Variants in GNB1L observed in about 807,000 individuals in gnomAD.
GNB1L encodes guanine nucleotide-binding protein subunit beta-like protein 1.
GNB1L carries 20 observed loss-of-function variants against 29.1 expected under a neutral mutation model. The observed-to-expected ratio is 0.69, with a 90% CI of 0.48 to 1.00. The LOEUF is 1.00. GNB1L is among the 50% of genes least tolerant of loss of function. GNB1L has a pLI of 0.00. For synonymous variants in GNB1L, 193 were observed against 206.5 expected (o/e 0.93, Z 0.56); for missense variants, 421 against 464.9 (o/e 0.91, Z 0.87).
At chr22:19,850,941 A>G in intron 2 of GNB1L, 2 of 1,373,880 alleles carry the variant, frequency 1.5e-6, no homozygotes, top group South Asian at 3.9e-5. Context: ...GGGATGCAGC[A>G]GAGAGCCAGC....
chr22:19,784,953 G>C lies in GNB1L; in HGVS notation c.*3756C>G, dbSNP rs1379466031. 1.3e-5 allele frequency: 2 copies of C among 152,294 alleles called. No individual in the cohort carries two copies. Among genetic ancestry groups the C allele is most frequent in the African/African-American group, 4.8e-5 (2 of 41,470 alleles). 9.4% of individuals were successfully genotyped at this position (152,294 alleles called of 1,614,324 possible). A position where few individuals can be genotyped will look rare whatever the true frequency, so the allele number is the denominator to read the frequency against. ...GACACCACCAGGCGGACAGTGCCCA[G>C]GGCTGGGGCTCACAGCCACGAGAAT... On this transcript the variant is annotated 3_prime_UTR_variant, in exon 8 of 8. Transcript: ENST00000329517.
intron 2 of GNB1L, among the ~76,000 whole-genome samples, chr22:19,831,415 A>C (rs964933368): frequency 6.6e-5 from 10 of 151,876 alleles, no homozygotes; most frequent in Middle Eastern, 6.8e-3. Flanking sequence ...CTATAGAAAA[A>C]TAAAAATTTT....
chr22:19,852,180 G>A, intron 2 of GNB1L: 2 of 1,613,990 alleles, frequency 1.2e-6, no homozygotes, highest in South Asian at 1.1e-5. Context: ...TCCATCTGCT[G>A]CCATGGATGT....
chr22:19,839,874 TCAATAATAATAATAATAA>T (rs1937827988), intron 2 of GNB1L, among the ~76,000 whole-genome samples: 1 of 150,708 alleles, frequency 6.6e-6, no homozygotes. Flanking sequence ...AGACTCCGTC[TCAATAATAATAATAATAA>T]CAATAATAAT....
chr22:19,803,225 G>A (rs928493857), intron 6 of GNB1L, among the ~76,000 whole-genome samples: 3 of 152,224 alleles, frequency 2.0e-5, no homozygotes, highest in African/African-American at 4.8e-5. Flanking sequence ...ATGTGAACCC[G>A]AGGCCAGAGC....
chr22:19,810,269 C>T (rs929977837), intron 5 of GNB1L, among the ~76,000 whole-genome samples: 1 of 152,146 alleles, frequency 6.6e-6, no homozygotes, highest in Non-Finnish European at 1.5e-5. Flanking sequence ...TACACAGTCC[C>T]CAACCAAGGA....
chr22:19,813,303 G>A lies in GNB1L; in HGVS notation c.255-856C>T, dbSNP rs572804646. Among the ~76,000 whole-genome samples, 13 of 152,276 alleles carry A rather than the reference G, an allele frequency of 8.5e-5. No homozygotes were observed. In the South Asian group the frequency reaches 2.7e-3, roughly 32 times the overall value. On this transcript the variant is annotated intron_variant, in intron 4 of 7. Transcript: ENST00000329517. The stretch of plus-strand genomic sequence containing the variant: ...CTCCAAAAACAGGAACCAGGGCTCT[G>A]GAGAAATGGCTGAGTCTAGGGTGGA...
At chr22:19,795,192 C>G (rs1937292776) in intron 7 of GNB1L, among the ~76,000 whole-genome samples, 1 of 152,126 alleles carries the variant, frequency 6.6e-6, no homozygotes, top group Admixed American at 6.5e-5. Context: ...GAAAAAGGCT[C>G]TGCACCAAGA....
At chr22:19,794,750 A>G (rs1023909387) in intron 7 of GNB1L, among the ~76,000 whole-genome samples, 1 of 152,212 alleles carries the variant, frequency 6.6e-6, no homozygotes, top group Non-Finnish European at 1.5e-5. Flanking sequence ...TGGGAGGCCG[A>G]GGCAGACGGA....
rs768481898 is a variant in GNB1L, at chr22:19,820,587, T to C, written c.254+11A>G. 4 of 1,609,802 alleles carry C rather than the reference T, an allele frequency of 2.5e-6. No homozygotes were observed. The South Asian group carries it at 4.4e-5, about 18-fold the overall frequency. On this transcript the variant is annotated intron_variant, in intron 4 of 7. Coordinates refer to ENST00000329517, the MANE Select transcript of GNB1L (RefSeq NM_053004.3). Reference sequence around the variant, plus strand: ...AAGGCCATACCTGGCTCCTGCACCTTGGAGACCCACCTGAGGAGCTGGCGC... The same window carrying C: ...AAGGCCATACCTGGCTCCTGCACCTCGGAGACCCACCTGAGGAGCTGGCGC...
At chr22:19,810,640 C>A (rs1023400000) in intron 5 of GNB1L, among the ~76,000 whole-genome samples, 1 of 152,178 alleles carries the variant, frequency 6.6e-6, no homozygotes, top group Admixed American at 6.5e-5. Flanking sequence ...CACCTGACTG[C>A]AACTTTTGTT....
chr22:19,847,396 T>C (rs961542088), intron 2 of GNB1L: 3 of 985,296 alleles, frequency 3.0e-6, no homozygotes, highest in Non-Finnish European at 3.6e-6. Context: ...AGTTCTGCTG[T>C]TCAAAAAACA....
chr22:19,853,398 A>C (rs1185437138), intron 2 of GNB1L, among the ~76,000 whole-genome samples: 1 of 152,094 alleles, frequency 6.6e-6, no homozygotes, highest in Non-Finnish European at 1.5e-5. Context: ...TTCCAGTGCA[A>C]GGAGCCCTCC....
At chr22:19,839,823 T>C (rs956883840) in intron 2 of GNB1L, among the ~76,000 whole-genome samples, 1 of 151,660 alleles carries the variant, frequency 6.6e-6, no homozygotes, top group Non-Finnish European at 1.5e-5. Flanking sequence ...GAGGTTGCAG[T>C]GAGCCAAGAT....
At chr22:19,852,086 C>A in intron 2 of GNB1L, 5 of 1,614,232 alleles carry the variant, frequency 3.1e-6, no homozygotes, top group Non-Finnish European at 4.2e-6. Flanking sequence ...CATGGTCGTT[C>A]GCACACACAC....
chr22:19,809,280 G>C (rs538519650), intron 5 of GNB1L, among the ~76,000 whole-genome samples: 3 of 151,994 alleles, frequency 2.0e-5, no homozygotes, highest in Non-Finnish European at 4.4e-5. Context: ...ATCAACCAGC[G>C]AGCGGAATGA....
intron 2 of GNB1L, among the ~76,000 whole-genome samples, chr22:19,821,857 A>ATGCCGGGAC (rs1207728538): frequency 6.6e-6 from 1 of 152,164 alleles, no homozygotes; most frequent in East Asian, 1.9e-4. Flanking sequence ...GGCCATCTGC[A>ATGCCGGGAC]TGCCGGGACT....
intron 7 of GNB1L, among the ~76,000 whole-genome samples, chr22:19,789,503 A>G (rs754584716): frequency 6.7e-6 from 1 of 149,632 alleles, no homozygotes; most frequent in Non-Finnish European, 1.5e-5. Flanking sequence ...GGGGGTTGGC[A>G]GGATGAGGGG....
chr22:19,812,411 G>A lies in GNB1L; in HGVS notation c.291C>T (p.Leu97=), dbSNP rs780558551. Residue 97 remains leucine (L), a synonymous_variant, in exon 5 of 8, where the codon CTC becomes CTT. Transcript: ENST00000329517. ...GRDLKLCLWD[L]AEGRSAVVDS... ...CCACGACAGCGCTCCTGCCCTCCGC[G>A]AGGTCCCACAGGCACAGCTTCAGGT... 14 of 1,613,226 alleles carry A rather than the reference G, an allele frequency of 8.7e-6. No individual in the cohort carries two copies. The highest frequency in any genetic ancestry group is 4.5e-5 in the East Asian group (2 of 44,868).
Sources: allele counts gnomAD v4.1 joint callset (sites outside exome capture counted in the v4.1 genomes callset), GRCh38; gene constraint gnomAD v4.1.1; transcripts MANE v1.5; gene names NCBI Gene and HGNC (gene_info 2026-07-23, HGNC 2026-07-21).